The following FIGN variants were observed in gnomAD, a reference collection of about 807,000 sequenced individuals.
FIGN encodes fidgetin, microtubule severing factor, also known as fidgetin.
A neutral mutation model predicts 51.3 loss-of-function variants in FIGN; 11 were observed. The observed-to-expected ratio is 0.21, with a 90% CI of 0.13 to 0.35. The LOEUF (loss-of-function observed/expected upper bound fraction) is 0.35. FIGN is among the 10% of genes least tolerant of loss of function. The pLI is 1.00. For missense variants in FIGN, 857 were observed against 943.6 expected (o/e 0.91, Z 1.20); for synonymous variants, 407 against 363.2 (o/e 1.12, Z -1.37).
chr2:163,647,138 C>T (rs1683394948), intron 2 of FIGN, among the ~76,000 whole-genome samples: 1 of 152,156 alleles, frequency 6.6e-6, no homozygotes. Context: ...TGGGTGAATT[C>T]AATATACCAA....
intron 2 of FIGN, among the ~76,000 whole-genome samples, chr2:163,698,228 C>T (rs1057449665): frequency 1.3e-5 from 2 of 152,118 alleles, no homozygotes; most frequent in African/African-American, 4.8e-5. Flanking sequence ...TCTGCCTCTC[C>T]TCATCTTCCC....
rs541235230 is a variant in FIGN, at chr2:163,684,140, TATG to T, written c.25+50760_25+50762del. Among the ~76,000 whole-genome samples the T allele has an allele frequency of 1.9e-3, 283 of 152,184 alleles. 3 individuals carry two copies. Among genetic ancestry groups the T allele is most frequent in the African/African-American group, 6.5e-3 (270 of 41,452 alleles). ...TCATAGATCATTATTACAGGATCAT[TATG>T]ATGTTTGTCCAAAAATTATCTTTAC... On this transcript the variant is annotated intron_variant, in intron 2 of 2. Coordinates refer to ENST00000333129, the MANE Select transcript of FIGN (RefSeq NM_018086.4).
chr2:163,657,159 T>G (rs2105324878), intron 2 of FIGN, among the ~76,000 whole-genome samples: 1 of 151,874 alleles, frequency 6.6e-6, no homozygotes, highest in Non-Finnish European at 1.5e-5. Context: ...TCTATCTCAT[T>G]CCTTATGTTA....
chr2:163,608,842 T>C lies in FIGN; in HGVS notation c.*710A>G, dbSNP rs189491396. On this transcript the variant is annotated 3_prime_UTR_variant, in exon 3 of 3. Transcript: ENST00000333129. ...ACATACATTTTAATATAAAGTAACA[T>C]TGAAGCCTATCCTATTACTCTCAGC... 1 of 152,656 alleles carries C rather than the reference T, an allele frequency of 6.6e-6. No homozygotes were observed. The highest frequency in any genetic ancestry group is 1.5e-5 in the Non-Finnish European group (1 of 68,044). 9.5% of individuals were successfully genotyped at this position (152,656 alleles called of 1,614,324 possible).
At chr2:163,616,297 G>T (rs1449633212) in intron 2 of FIGN, among the ~76,000 whole-genome samples, 1 of 152,060 alleles carries the variant, frequency 6.6e-6, no homozygotes, top group Non-Finnish European at 1.5e-5. Flanking sequence ...AAAATGAAGG[G>T]TATAAAAGCA....
intron 2 of FIGN, among the ~76,000 whole-genome samples, chr2:163,729,210 A>G: frequency 6.6e-6 from 1 of 152,134 alleles, no homozygotes; most frequent in Non-Finnish European, 1.5e-5. Context: ...ACATACACAC[A>G]TATATATTTC....
At chr2:163,698,028 T>C (rs1259496726) in intron 2 of FIGN, among the ~76,000 whole-genome samples, 1 of 152,114 alleles carries the variant, frequency 6.6e-6, no homozygotes, top group Non-Finnish European at 1.5e-5. Context: ...ACCACCGCCA[T>C]GGAGTATGCC....
rs1235023563 is a variant in FIGN, at chr2:163,605,882, T to C, written c.*3670A>G. ...TATTTAAATTTACAAAGACCTATTA[T>C]AGGAACTAATTTGGATTTTTTTTTT... On this transcript the variant is annotated 3_prime_UTR_variant, in exon 3 of 3. Transcript: ENST00000333129. 1 of 148,556 alleles carries C rather than the reference T, an allele frequency of 6.7e-6. No individual in the cohort carries two copies. The allele number at this position is 148,556 out of a possible 1,614,324, so 9.2% of individuals were successfully genotyped here.
chr2:163,662,537 C>A (rs749197527), intron 2 of FIGN, among the ~76,000 whole-genome samples: 6 of 152,174 alleles, frequency 3.9e-5, no homozygotes, highest in Non-Finnish European at 5.9e-5. Context: ...TGTCTCCAGG[C>A]CATGTCAGAG....
rs1684518660 is a variant in FIGN at position 163,707,414 on chromosome 2, C to G, written c.25+27489G>C. Among the ~76,000 whole-genome samples, 3 of 151,954 alleles carry G rather than the reference C, an allele frequency of 2.0e-5. No homozygotes were observed. The South Asian group carries it at 6.2e-4, about 31-fold the overall frequency. On this transcript the variant is annotated intron_variant, in intron 2 of 2. Transcript: ENST00000333129. ...AATAGTATGATCCTCATTTTATTCT[C>G]TAGTGGGTAAACTCTGCCTGATATC... is the stretch of plus-strand genomic sequence containing the variant.
In FIGN at chr2:163,609,090, C is replaced by A. The variant is rs979592164; in HGVS notation, c.*462G>T. ...GCAAAAATCTGGTTTTCTGTCATAA[C>A]ACAACTGTTCATCTCTTTAGTCCAA... On this transcript the variant is annotated 3_prime_UTR_variant, in exon 3 of 3. Transcript: ENST00000333129. 6 of 157,880 alleles carry A rather than the reference C, an allele frequency of 3.8e-5. No homozygotes were observed. The highest frequency in any genetic ancestry group is 1.2e-4 in the African/African-American group (5 of 41,656). The allele number at this position is 157,880 out of a possible 1,614,324, so 9.8% of individuals were successfully genotyped here.
At chr2:163,703,729 T>C (rs914890877) in intron 2 of FIGN, among the ~76,000 whole-genome samples, 2 of 152,096 alleles carry the variant, frequency 1.3e-5, no homozygotes, top group African/African-American at 4.8e-5. Flanking sequence ...GCTCTACTCA[T>C]ATATGGGCAC....
chr2:163,722,837 G>A (rs963226123), intron 2 of FIGN, among the ~76,000 whole-genome samples: 3 of 151,766 alleles, frequency 2.0e-5, no homozygotes, highest in African/African-American at 7.3e-5. Flanking sequence ...AATTTTCATA[G>A]ATCCATTCTT....
intron 2 of FIGN, among the ~76,000 whole-genome samples, chr2:163,658,364 G>GCTCGCTCT (rs1183806153): frequency 1.2e-4 from 16 of 137,614 alleles, no homozygotes; most frequent in African/African-American, 4.4e-4. Context: ...TTAAGAAACA[G>GCTCGCTCT]CTCTCTCTCT....
Position 163,720,421 on chromosome 2 carries a change from G to C in FIGN, c.25+14482C>G, listed in dbSNP as rs550534910. Among the ~76,000 whole-genome samples the C allele has an allele frequency of 5.9e-5, 9 of 152,240 alleles. No homozygotes were observed. The East Asian group carries it at 1.7e-3, about 29-fold the overall frequency. On this transcript the variant is annotated intron_variant, in intron 2 of 2. Coordinates refer to ENST00000333129, the MANE Select transcript of FIGN (RefSeq NM_018086.4). Reference sequence around the variant, plus strand: ...ATTTTAAATGGTTTATTTGTGATTAGTTTCTATTCTAATCAAAAGAGTCCA... The same window carrying C: ...ATTTTAAATGGTTTATTTGTGATTACTTTCTATTCTAATCAAAAGAGTCCA...
chr2:163,726,936 G>T (rs1684847018), intron 2 of FIGN, among the ~76,000 whole-genome samples: 1 of 151,986 alleles, frequency 6.6e-6, no homozygotes, highest in Non-Finnish European at 1.5e-5. Context: ...TGAAAATGGG[G>T]ATTGTAATGA....
chr2:163,732,114 T>C (rs1333592242), intron 2 of FIGN, among the ~76,000 whole-genome samples: 2 of 152,210 alleles, frequency 1.3e-5, no homozygotes, highest in East Asian at 3.8e-4. Context: ...TTGGTCATTT[T>C]CCTAACAATA....
intron 2 of FIGN, among the ~76,000 whole-genome samples, chr2:163,708,931 T>C (rs1410115200): frequency 1.3e-5 from 2 of 152,214 alleles, no homozygotes; most frequent in Admixed American, 6.5e-5. Flanking sequence ...TTGTTCATTG[T>C]TCACAACGAT....
chr2:163,618,695 G>A (rs1045957921), intron 2 of FIGN, among the ~76,000 whole-genome samples: 3 of 151,944 alleles, frequency 2.0e-5, no homozygotes, highest in African/African-American at 4.8e-5. Flanking sequence ...ACAGCTGTCC[G>A]ATTCTGGGGA....
Sources: allele counts gnomAD v4.1 joint callset (sites outside exome capture counted in the v4.1 genomes callset), GRCh38; gene constraint gnomAD v4.1.1; transcripts MANE v1.5; gene names NCBI Gene and HGNC (gene_info 2026-07-23, HGNC 2026-07-21).